Variants in VWA3B observed in about 807,000 individuals in gnomAD.
VWA3B encodes von Willebrand factor A domain-containing protein 3B.
In VWA3B, 138 loss-of-function variants were observed where a neutral mutation model predicts 158.3. The observed-to-expected ratio is 0.87, with a 90% confidence interval of 0.76 to 1.00. The LOEUF (loss-of-function observed/expected upper bound fraction) is 1.00. Among genes scored for constraint, VWA3B ranks in the 50% least tolerant of loss-of-function variants. The probability of loss-of-function intolerance (pLI) is 0.00; values close to 1 mark genes in which losing one functional copy is unlikely to be tolerated. For synonymous variants in VWA3B, 596 were observed against 587.3 expected (o/e 1.01, Z -0.21); for missense variants, 1,555 against 1,565.1 (o/e 0.99, Z 0.11).
At chr2:98,096,271 A>ATT (rs542647221) in intron 2 of VWA3B, among the ~76,000 whole-genome samples, 1 of 144,338 alleles carries the variant, frequency 6.9e-6, no homozygotes, top group African/African-American at 2.5e-5. Flanking sequence ...TTGCTGGGAG[A>ATT]TTTTTTTTTT....
chr2:98,161,962 C>G (rs562047239), intron 7 of VWA3B, among the ~76,000 whole-genome samples: 2 of 152,326 alleles, frequency 1.3e-5, no homozygotes, highest in South Asian at 2.1e-4. Context: ...CCGCCTCGGC[C>G]TCCCAAAGTT....
intron 9 of VWA3B, among the ~76,000 whole-genome samples, chr2:98,187,315 T>C (rs1396012345): frequency 6.6e-6 from 1 of 152,130 alleles, no homozygotes; most frequent in East Asian, 1.9e-4. Context: ...TTGGTCATTG[T>C]GTGTGTTTGT....
intron 12 of VWA3B, among the ~76,000 whole-genome samples, chr2:98,198,957 T>G (rs1468564776): frequency 1.3e-5 from 2 of 151,950 alleles, no homozygotes; most frequent in African/African-American, 2.4e-5. Flanking sequence ...TGTGGTGGTG[T>G]GCGCCTGTAG....
At chr2:98,143,875 C>T (rs891447344) in intron 7 of VWA3B, among the ~76,000 whole-genome samples, 9 of 151,640 alleles carry the variant, frequency 5.9e-5, no homozygotes, top group Admixed American at 2.6e-4. Flanking sequence ...CTCAGCCTCC[C>T]GAGTAGCTGG....
At chr2:98,252,434 G>A (rs62156727) in intron 20 of VWA3B, among the ~76,000 whole-genome samples, 5,999 of 152,072 alleles carry the variant, frequency 0.039, 174 homozygotes, top group Middle Eastern at 0.075. Flanking sequence ...ATAATTACCC[G>A]GCCTGTGAAA....
At chr2:98,115,808 T>G (rs1049594142) in intron 3 of VWA3B, 62 bp downstream of exon 3, 46 of 1,376,642 alleles carry the variant, frequency 3.3e-5, no homozygotes, top group Non-Finnish European at 4.3e-5. Flanking sequence ...CATCGGAGAG[T>G]GCAGTGTGGG....
chr2:98,174,026 G>T (rs141023012), intron 8 of VWA3B, among the ~76,000 whole-genome samples: 1 of 151,996 alleles, frequency 6.6e-6, no homozygotes, highest in Non-Finnish European at 1.5e-5. Context: ...ATTATATTTC[G>T]TGTATTTGGA....
chr2:98,276,811 A>G (rs1311338740), intron 22 of VWA3B, among the ~76,000 whole-genome samples: 2 of 152,142 alleles, frequency 1.3e-5, no homozygotes, highest in African/African-American at 4.8e-5. Context: ...GGCCTGCTCC[A>G]GGGTGCGTTA....
chr2:98,164,677 T>C (rs1331775036), intron 8 of VWA3B, among the ~76,000 whole-genome samples: 1 of 152,230 alleles, frequency 6.6e-6, no homozygotes, highest in African/African-American at 2.4e-5. Context: ...TGTACTCATC[T>C]TGATGTTGGT....
rs1675273102 is a variant in VWA3B at position 98,125,329 on chromosome 2, G to A, written c.703-2910G>A. On this transcript the variant is annotated intron_variant, in intron 5 of 27. Coordinates refer to ENST00000477737, the MANE Select transcript of VWA3B (RefSeq NM_144992.5). The surrounding 1 kb of genome is among the most constrained non-coding windows in gnomAD (Gnocchi z 4.1). ...GCTTGCTCTTACTTTCAGAATTCTGGGGCTCACATTCATCTCTAACAGGTG... is the reference window on the plus strand; with the variant it reads ...GCTTGCTCTTACTTTCAGAATTCTGAGGCTCACATTCATCTCTAACAGGTG... 6.6e-6 allele frequency among the ~76,000 whole-genome samples: 1 copy of A among 152,132 alleles called. No individual in the cohort carries two copies. Among genetic ancestry groups the A allele is most frequent in the African/African-American group, 2.4e-5 (1 of 41,434 alleles).
chr2:98,128,655 A>G (rs982347276), intron 6 of VWA3B, among the ~76,000 whole-genome samples: 4 of 152,148 alleles, frequency 2.6e-5, no homozygotes, highest in African/African-American at 9.7e-5. Context: ...TGTCCCTCCC[A>G]GGGCTAGCCA....
intron 12 of VWA3B, chr2:98,207,289 G>T: frequency 2.0e-6 from 1 of 495,364 alleles, no homozygotes; most frequent in Admixed American, 2.1e-5. Flanking sequence ...TGCCACCACT[G>T]TGCTGCCCCA....
At chr2:98,267,815 A>G (rs565579034) in intron 21 of VWA3B, among the ~76,000 whole-genome samples, 3 of 152,282 alleles carry the variant, frequency 2.0e-5, no homozygotes, top group Admixed American at 6.5e-5. Context: ...AGAAAAAAAG[A>G]GAGAAGAATC....
chr2:98,295,360 A>G (rs140060749), intron 23 of VWA3B, among the ~76,000 whole-genome samples: 4 of 152,326 alleles, frequency 2.6e-5, no homozygotes, highest in Non-Finnish European at 5.9e-5. Flanking sequence ...GTTCAGAACC[A>G]CTCATGCATC....
intron 22 of VWA3B, among the ~76,000 whole-genome samples, chr2:98,288,370 A>G (rs544460513): frequency 6.6e-6 from 1 of 152,316 alleles, no homozygotes; most frequent in Admixed American, 6.5e-5. Flanking sequence ...AGGCTGTGCT[A>G]TTCACAGCTT....
chr2:98,146,902 G>A (rs908592568), intron 7 of VWA3B, among the ~76,000 whole-genome samples: 3 of 152,144 alleles, frequency 2.0e-5, no homozygotes, highest in Non-Finnish European at 2.9e-5. Flanking sequence ...GAGCAAATGT[G>A]GAACCTGATG....
chr2:98,255,641 T>A (rs543753414), intron 20 of VWA3B, among the ~76,000 whole-genome samples: 5 of 152,066 alleles, frequency 3.3e-5, no homozygotes, highest in Non-Finnish European at 7.4e-5. Context: ...CTGCCCCTCC[T>A]AGCAGCCTCG....
At chr2:98,188,483 A>G (rs1681314070) in intron 10 of VWA3B, among the ~76,000 whole-genome samples, 1 of 151,948 alleles carries the variant, frequency 6.6e-6, no homozygotes, top group South Asian at 2.1e-4. Context: ...TTCGCTAACC[A>G]ACCTCCCTAT....
intron 13 of VWA3B, among the ~76,000 whole-genome samples, chr2:98,212,730 A>G (rs1367376133): frequency 6.6e-6 from 1 of 152,254 alleles, no homozygotes; most frequent in East Asian, 1.9e-4. Flanking sequence ...TTCAGGGCTT[A>G]AAGAGAGTAA....
Sources: gnomAD v4.1 joint callset for allele counts (sites outside exome capture counted in the v4.1 genomes callset) on GRCh38, gnomAD v4.1.1 for gene constraint, Gnocchi (gnomAD v3.1) non-coding constraint, MANE v1.5 for transcripts, NCBI Gene and HGNC (gene_info 2026-07-23, HGNC 2026-07-21) for gene names.